LRIT1: variants seen among roughly 807,000 people sequenced by gnomAD.
LRIT1 encodes the protein leucine-rich repeat, immunoglobulin-like domain and transmembrane domain-containing protein 1.
Under a neutral mutation model 24.0 loss-of-function variants are expected in LRIT1, and 23 were observed. The observed-to-expected ratio is 0.96, with a 90% CI of 0.69 to 1.36. The LOEUF is 1.36. LRIT1 is among the 40% of genes most tolerant of loss of function. The pLI is 0.00. For missense variants in LRIT1, 846 were observed against 806.3 expected, an observed-to-expected ratio of 1.05 and a Z score of -0.60; for synonymous variants, 361 against 340.5, an observed-to-expected ratio of 1.06 and a Z score of -0.66.
chr10:84,233,526 C>T (rs1842621628), intron 3 of LRIT1, among the ~76,000 whole-genome samples: 1 of 152,126 alleles, frequency 6.6e-6, no homozygotes, highest in African/African-American at 2.4e-5. Context: ...GCTGGAACCC[C>T]AGCTCCTCCA....
In LRIT1 at chr10:84,232,179, G is replaced by T. The variant is rs376549345; in HGVS notation, c.1620C>A (p.Ala540=). 6.2e-7 allele frequency: 1 copy of T among 1,614,198 alleles called. No homozygotes were observed. Among genetic ancestry groups the T allele is most frequent in the Non-Finnish European group, 8.5e-7 (1 of 1,180,036 alleles). The part of the protein sequence containing the change: ...VVVISVAIVI[A]LPLTLLVCCS... The stretch of plus-strand genomic sequence containing the variant: ...AGCAGACAAGCAGCGTGAGAGGCAG[G>T]GCAATGACGATGGCCACACTGATCA... The change falls in exon 4 of 4, where the codon GCC becomes GCA. Residue 540 remains alanine (A), a synonymous_variant. Coordinates refer to ENST00000372105, the MANE Select transcript of LRIT1 (RefSeq NM_015613.3).
intron 2 of LRIT1, among the ~76,000 whole-genome samples, chr10:84,234,754 A>G (rs971804202): frequency 1.2e-4 from 18 of 152,204 alleles, no homozygotes; most frequent in Admixed American, 4.6e-4. Flanking sequence ...CCAGAAATGC[A>G]TCACTGACCC....
chr10:84,237,580 C>T lies in LRIT1; in HGVS notation c.229G>A (p.Glu77Lys), dbSNP rs750160115. 4 of 1,606,502 alleles carry T rather than the reference C, an allele frequency of 2.5e-6. No individual in the cohort carries two copies. The highest frequency in any genetic ancestry group is 1.1e-5 in the South Asian group (1 of 91,076). Residue 77 changes from glutamate (E) to lysine (K), a missense_variant, in exon 2 of 4, where the codon GAG (glutamate) becomes AAG (lysine). Coordinates refer to ENST00000372105, the MANE Select transcript of LRIT1 (RefSeq NM_015613.3). The part of the protein sequence containing the change: ...ERTAIRRVPG[E>K]AFRPLGRLEQ... ...AGGCGGCCCAGGGGCCTGAAGGCCT[C>T]GCCAGGAACCCTGCGTATGGCCGTC...
rs151192122 is a variant in LRIT1 at position 84,234,321 on chromosome 10, A to G, written c.647T>C (p.Leu216Ser). The G allele has an allele frequency of 8.5e-5, 137 of 1,604,652 alleles. No homozygotes were observed. Among genetic ancestry groups the G allele is most frequent in the Non-Finnish European group, 1.1e-4 (124 of 1,174,752 alleles). Residue 216 changes from leucine (L) to serine (S), a missense_variant, in exon 3 of 4, where the codon TTG (leucine) becomes TCG (serine). By Grantham distance (145) the Leu-to-Ser change is moderately radical. Coordinates refer to ENST00000372105, the MANE Select transcript of LRIT1 (RefSeq NM_015613.3). Reference protein sequence around the residue: ...DCRLYDLVHLLDGWAPNLAFI... With the variant: ...DCRLYDLVHLSDGWAPNLAFI... ...GGCCAAGTTTGGGGCCCAGCCATCC[A>G]AAAGATGAACCAGGTCATAGAGTCG...
At chr10:84,237,837 C>T (rs1842665149) in intron 1 of LRIT1, 151 bp from the exon 2 acceptor site, 9 of 628,236 alleles carry the variant, frequency 1.4e-5, no homozygotes, top group South Asian at 1.2e-4. Context: ...TGGAGAGGGG[C>T]CCGGAGTAAG....
chr10:84,234,253 C>T lies in LRIT1; in HGVS notation c.715G>A (p.Ala239Thr). ...TCAAGCTGGCTGAAGGCCACTCCGG[C>T]CAGGCTACGTGGGCTGGCACATCTC... ...ELRCASPRSL[A>T]GVAFSQLELR... The change falls in exon 3 of 4, where the codon GCC (alanine) becomes ACC (threonine). Residue 239 changes from alanine to threonine, a missense_variant. Coordinates refer to ENST00000372105, the MANE Select transcript of LRIT1 (RefSeq NM_015613.3). The T allele has an allele frequency of 6.2e-7, 1 of 1,613,998 alleles. No individual in the cohort carries two copies. The highest frequency in any genetic ancestry group is 8.5e-7 in the Non-Finnish European group (1 of 1,179,974).
chr10:84,240,210 ACTC>A (rs1842681542), intron 1 of LRIT1, among the ~76,000 whole-genome samples: 1 of 151,900 alleles, frequency 6.6e-6, no homozygotes, highest in Non-Finnish European at 1.5e-5. Context: ...GCTTTTTGTC[ACTC>A]CAGTGACACT....
chr10:84,241,226 AC>A, intron 1 of LRIT1, 91 bp downstream of exon 1: 1 of 1,578,140 alleles, frequency 6.3e-7, no homozygotes. Context: ...TGAAGACCTC[AC>A]CCAGGGCCCC....
rs1308161095 is a variant in LRIT1 at position 84,234,086 on chromosome 10, G to A, written c.882C>T (p.Pro294=). 2 of 1,552,496 alleles carry A rather than the reference G, an allele frequency of 1.3e-6. No homozygotes were observed. The highest frequency in any genetic ancestry group is 1.4e-5 in the African/African-American group (1 of 73,476). Residue 294 remains proline (P), a synonymous_variant, in exon 3 of 4, where the codon CCC becomes CCT. Transcript: ENST00000372105. The stretch of plus-strand genomic sequence containing the variant: ...TAGCTCACATACCTGTACCATTAAG[G>A]GGCCTGCCATTGGCCCTCCTCCAGC... The part of the protein sequence containing the change: ...EMSWRRANGR[P]LNGTVHQEVS...
At position 84,234,057 on chromosome 10, in the gene LRIT1, C is replaced by A. The variant is rs890269476; in HGVS notation, c.895+16G>T. On this transcript the variant is annotated intron_variant, in intron 3 of 3. Coordinates refer to ENST00000372105, the MANE Select transcript of LRIT1 (RefSeq NM_015613.3). ...CAGTCTAGGTTCTCAGTGCAGCATC[C>A]CTGTAGCTCACATACCTGTACCATT... 10 of 1,470,630 alleles carry A rather than the reference C, an allele frequency of 6.8e-6. No individual in the cohort carries two copies. Among genetic ancestry groups the A allele is most frequent in the East Asian group, 4.9e-5 (2 of 41,196 alleles). The allele number at this position is 1,470,630 out of a possible 1,614,324, so 91.1% of individuals were successfully genotyped here.
rs370643022 is a variant in LRIT1, at chr10:84,232,085, C to T, written c.1714G>A (p.Val572Ile). The change falls in exon 4 of 4, where the codon GTC becomes ATC. Residue 572 changes from valine (V) to isoleucine (I), a missense_variant. By Grantham distance (29) the Val-to-Ile change is conservative. Transcript: ENST00000372105. ...KDSTEATVTY[V>I]NLERLGYSED... is the part of the protein sequence containing the mutation. ...CTGTAGCCCAGTCTCTCTAGGTTGA[C>T]GTAGGTAACTGTGGCCTCAGTGGAG... 26 of 1,614,160 alleles carry T rather than the reference C, an allele frequency of 1.6e-5. No homozygotes were observed. Among genetic ancestry groups the T allele is most frequent in the East Asian group, 4.5e-5 (2 of 44,884 alleles).
intron 2 of LRIT1, among the ~76,000 whole-genome samples, chr10:84,235,007 G>A (rs1366985676): frequency 6.6e-6 from 1 of 152,172 alleles, no homozygotes; most frequent in Non-Finnish European, 1.5e-5. Context: ...ACATTATAGA[G>A]ATGGAGGGGT....
Position 84,231,791 on chromosome 10 carries a change from C to T in LRIT1, c.*136G>A, listed in dbSNP as rs1564542215. 4.4e-6 allele frequency: 4 copies of T among 916,300 alleles called. No homozygotes were observed. In the African/African-American group the frequency reaches 5.0e-5, roughly 11 times the overall value. The allele number at this position is 916,300 out of a possible 1,614,324, so 56.8% of individuals were successfully genotyped here. On this transcript the variant is annotated 3_prime_UTR_variant, in exon 4 of 4. Coordinates refer to ENST00000372105, the MANE Select transcript of LRIT1 (RefSeq NM_015613.3). ...TTAGCGGTTGTTGCAGTAGCAGCTG[C>T]TGCTGCTGTTGTTGTGTGTAAGTAT...
Position 84,234,308 on chromosome 10 carries a change from G to A in LRIT1, c.660C>T (p.Ala220=), listed in dbSNP as rs772543102. ...YDLVHLLDGW[A]PNLAFIETEL... The stretch of plus-strand genomic sequence containing the variant: ...CAGTCTCAATGAAGGCCAAGTTTGG[G>A]GCCCAGCCATCCAAAAGATGAACCA... The change falls in exon 3 of 4, where the codon GCC becomes GCT. Residue 220 remains alanine (A), a synonymous_variant. Coordinates refer to ENST00000372105, the MANE Select transcript of LRIT1 (RefSeq NM_015613.3). 2 of 1,607,296 alleles carry A rather than the reference G, an allele frequency of 1.2e-6. No individual in the cohort carries two copies. Among genetic ancestry groups the A allele is most frequent in the Admixed American group, 1.7e-5 (1 of 59,076 alleles).
In LRIT1 at chr10:84,232,684, G is replaced by A; in HGVS notation, c.1115C>T (p.Ala372Val). 1 of 1,613,758 alleles carries A rather than the reference G, an allele frequency of 6.2e-7. No individual in the cohort carries two copies. ...GGCCACCAGCTTGTTGTTGTAAGCA[G>A]CAGCTTCCCCTCCGCCACCTGTCCT... ...WARTGGGGEAAAYNNKLVARH... is the reference protein window; with the variant it reads ...WARTGGGGEAVAYNNKLVARH... Residue 372 changes from alanine (A) to valine (V), a missense_variant, in exon 4 of 4, where the codon GCT becomes GTT. By Grantham distance (64) the Ala-to-Val change is moderately conservative (BLOSUM62 0). Transcript: ENST00000372105.
chr10:84,240,784 C>T (rs575703310), intron 1 of LRIT1, among the ~76,000 whole-genome samples: 6 of 152,146 alleles, frequency 3.9e-5, no homozygotes, highest in African/African-American at 1.4e-4. Context: ...GAGGCTGAGG[C>T]TCCTGGGATC....
chr10:84,241,538 C>G lies in LRIT1; in HGVS notation c.-99G>C. 1 of 1,230,264 alleles carries G rather than the reference C, an allele frequency of 8.1e-7. No homozygotes were observed. The highest frequency in any genetic ancestry group is 2.7e-5 in the East Asian group (1 of 37,314). 76.2% of individuals were successfully genotyped at this position (1,230,264 alleles called of 1,614,324 possible). A position where few individuals can be genotyped will look rare whatever the true frequency, so the allele number is the denominator to read the frequency against. ...AGCAGCTGCCCACTTGCTCGCCAGC[C>G]CCTTACACCCCCTCCTGAGGCCATC... On this transcript the variant is annotated 5_prime_UTR_variant, in exon 1 of 4. Coordinates refer to ENST00000372105, the MANE Select transcript of LRIT1 (RefSeq NM_015613.3).
Position 84,238,626 on chromosome 10 carries a change from A to T in LRIT1, c.123-940T>A, listed in dbSNP as rs568609377. Among the ~76,000 whole-genome samples, 6 of 152,224 alleles carry T rather than the reference A, an allele frequency of 3.9e-5. 1 individual carries two copies. The Middle Eastern group carries it at 0.017, about 431-fold the overall frequency. ...TCTCTTTTCCTCAGTTTTGCCATCA[A>T]ATAGACCCCACAAGGTGGTTATGGG... On this transcript the variant is annotated intron_variant, in intron 1 of 3. Coordinates refer to ENST00000372105, the MANE Select transcript of LRIT1 (RefSeq NM_015613.3).
rs1411982443 is a variant in LRIT1 at position 84,232,371 on chromosome 10, C to T, written c.1428G>A (p.Val476=). The change falls in exon 4 of 4, where the codon GTG becomes GTA. Residue 476 remains valine (V), a synonymous_variant. Transcript: ENST00000372105. ...FGQHSMRRVI[V]QPGKTRVTIT... ...TGGTCACTCTGGTCTTCCCAGGCTG[C>T]ACAATCACCCGCCGCATGCTGTGCT... 1.2e-6 allele frequency: 2 copies of T among 1,613,900 alleles called. No individual in the cohort carries two copies. Among genetic ancestry groups the T allele is most frequent in the Non-Finnish European group, 1.7e-6 (2 of 1,179,920 alleles).
Sources: gnomAD v4.1 joint callset for allele counts (sites outside exome capture counted in the v4.1 genomes callset) on GRCh38, gnomAD v4.1.1 for gene constraint, MANE v1.5 for transcripts, NCBI Gene and HGNC (gene_info 2026-07-23, HGNC 2026-07-21) for gene names.